Variants in COQ8A observed in about 807,000 individuals in gnomAD.
COQ8A encodes the protein coenzyme Q8A, also known as atypical kinase COQ8A, mitochondrial.
Under a neutral mutation model 65.0 loss-of-function variants are expected in COQ8A, and 51 were observed. The ratio of observed to expected loss-of-function variants is 0.78; its 90% CI spans 0.63 to 0.99. The LOEUF (loss-of-function observed/expected upper bound fraction) is 0.99, where lower values mean the gene tolerates loss of function less well. Among genes scored for constraint, COQ8A ranks in the 50% least tolerant of loss-of-function variants. The probability of loss-of-function intolerance (pLI) is 0.00; values close to 1 mark genes in which losing one functional copy is unlikely to be tolerated. For synonymous variants in COQ8A, 371 were observed against 353.2 expected (o/e 1.05, Z -0.57); for missense variants, 940 against 875.0 (o/e 1.07, Z -0.94).
chr1:226,976,623 A>C (rs1659252890), intron 4 of COQ8A, among the ~76,000 whole-genome samples: 1 of 152,190 alleles, frequency 6.6e-6, no homozygotes, highest in African/African-American at 2.4e-5. Context: ...GGAAGAGAAT[A>C]CTGGCCCTGG....
At position 226,978,791 on chromosome 1, in the gene COQ8A, T is replaced by G. The variant is rs1484585685; in HGVS notation, c.730+1268T>G. ...GCATACCTCCGTACACACCCACCTC[T>G]CACCCGCACAGCTCCTTACACACCC... On this transcript the variant is annotated intron_variant, in intron 5 of 14. Transcript: ENST00000366777. Among the ~76,000 whole-genome samples, 73 of 86,644 alleles carry G rather than the reference T, an allele frequency of 8.4e-4. 3 individuals carry two copies. The highest frequency in any genetic ancestry group is 2.6e-3 in the African/African-American group (68 of 26,036). The allele number at this position is 86,644 out of a possible 152,430, so 56.8% of individuals were successfully genotyped here. A position where few individuals can be genotyped will look rare whatever the true frequency, so the allele number is the denominator to read the frequency against.
In COQ8A at chr1:226,973,598, A is replaced by G. The variant is rs2148086732; in HGVS notation, c.656-3851A>G. Among the ~76,000 whole-genome samples, 2 of 151,504 alleles carry G rather than the reference A, an allele frequency of 1.3e-5. 1 individual carries two copies. The highest frequency in any genetic ancestry group is 4.2e-4 in the South Asian group (2 of 4,782). ...GAACCTGTGAGAGCAGCCGCTAGGA[A>G]CTCCTCTCGCCTTCCCGTGCCCCTT... is the stretch of plus-strand genomic sequence containing the variant. On this transcript the variant is annotated intron_variant, in intron 4 of 14. Coordinates refer to ENST00000366777, the MANE Select transcript of COQ8A (RefSeq NM_020247.5).
chr1:226,971,593 A>T lies in COQ8A; in HGVS notation c.655+5856A>T, dbSNP rs187510207. Among the ~76,000 whole-genome samples, 8 of 152,186 alleles carry T rather than the reference A, an allele frequency of 5.3e-5. No homozygotes were observed. In the East Asian group the frequency reaches 1.5e-3, roughly 29 times the overall value. On this transcript the variant is annotated intron_variant, in intron 4 of 14. Transcript: ENST00000366777. ...AAAAGAGAATATATCATCATACTTT[A>T]TTTTTTTAAGGTATTTTTGCTGGGT...
chr1:226,945,277 T>C (rs1401939763), intron 1 of COQ8A, among the ~76,000 whole-genome samples: 1 of 152,152 alleles, frequency 6.6e-6, no homozygotes, highest in Non-Finnish European at 1.5e-5. Flanking sequence ...CTGTTGGTCC[T>C]CCCCGTCGGC....
rs187041545 is a variant in COQ8A, at chr1:226,947,523, G to A, written c.-10+7124G>A. On this transcript the variant is annotated intron_variant, in intron 1 of 14. Transcript: ENST00000366777. ...TTTGAAAGATTAAGAATATAAAACC[G>A]AGGCCAGGCACGGTGACTCACACCT... Among the ~76,000 whole-genome samples the A allele has an allele frequency of 1.1e-4, 17 of 152,240 alleles. No individual in the cohort carries two copies. The East Asian group carries it at 2.1e-3, about 19-fold the overall frequency.
chr1:226,971,942 C>T (rs886769767), intron 4 of COQ8A, among the ~76,000 whole-genome samples: 2 of 152,208 alleles, frequency 1.3e-5, no homozygotes, highest in Non-Finnish European at 2.9e-5. Flanking sequence ...GTACTATTCT[C>T]TCCTCTCTTT....
intron 1 of COQ8A, among the ~76,000 whole-genome samples, chr1:226,944,032 C>T (rs1280008234): frequency 1.3e-5 from 2 of 151,690 alleles, no homozygotes; most frequent in African/African-American, 2.4e-5. Context: ...GCAGGGGTGT[C>T]GAGGACCAGC....
chr1:226,977,781 C>G (rs1241463240), intron 5 of COQ8A, among the ~76,000 whole-genome samples: 4 of 152,000 alleles, frequency 2.6e-5, no homozygotes, highest in Non-Finnish European at 5.9e-5. Flanking sequence ...GCTGCCTGCA[C>G]ATCCACACGC....
intron 5 of COQ8A, among the ~76,000 whole-genome samples, chr1:226,978,436 ACC>A: frequency 8.2e-6 from 1 of 121,536 alleles, no homozygotes; most frequent in Non-Finnish European, 1.7e-5. Flanking sequence ...CCCACCTCTC[ACC>A]CACACACCTC....
rs939720286 is a variant in COQ8A at position 226,949,799 on chromosome 1, C to T, written c.-10+9400C>T. Among the ~76,000 whole-genome samples, 8 of 152,320 alleles carry T rather than the reference C, an allele frequency of 5.3e-5. No homozygotes were observed. The highest frequency in any genetic ancestry group is 6.5e-5 in the Admixed American group (1 of 15,300). On this transcript the variant is annotated intron_variant, in intron 1 of 14. Coordinates refer to ENST00000366777, the MANE Select transcript of COQ8A (RefSeq NM_020247.5). This position sits in a 1 kb window ranked among gnomAD's most constrained non-coding sequence, Gnocchi z 4.0. ...TTAGCTAATGGTTTTTAAGCACCTA[C>T]TATATGTCCTGAATGCTGTTACATG...
rs569145004 is a variant in COQ8A at position 226,980,212 on chromosome 1, C to A, written c.731-1815C>A. Among the ~76,000 whole-genome samples, 5 of 152,330 alleles carry A rather than the reference C, an allele frequency of 3.3e-5. No homozygotes were observed. In the East Asian group the frequency reaches 9.7e-4, roughly 29 times the overall value. On this transcript the variant is annotated intron_variant, in intron 5 of 14. Coordinates refer to ENST00000366777, the MANE Select transcript of COQ8A (RefSeq NM_020247.5). ...AAGGACCTTTCCTGAGCTGGGGGCA[C>A]ACTGCCGTAGCCCTGGGCCCATCCC...
At chr1:226,942,582 A>C (rs928631421) in intron 1 of COQ8A, among the ~76,000 whole-genome samples, 12 of 152,264 alleles carry the variant, frequency 7.9e-5, no homozygotes, top group African/African-American at 2.6e-4. Context: ...TTCTTCAAGG[A>C]GATGCTTTAT....
At chr1:226,951,699 G>A (rs972110567) in intron 1 of COQ8A, among the ~76,000 whole-genome samples, 7 of 151,900 alleles carry the variant, frequency 4.6e-5, no homozygotes, top group South Asian at 2.1e-4. Flanking sequence ...AATATGAGTC[G>A]ACAAATAGTA....
At chr1:226,968,561 G>T (rs1490207616) in intron 4 of COQ8A, among the ~76,000 whole-genome samples, 1 of 152,070 alleles carries the variant, frequency 6.6e-6, no homozygotes, top group Non-Finnish European at 1.5e-5. Flanking sequence ...AATACCTCTA[G>T]CCTTTCTTCC....
intron 4 of COQ8A, among the ~76,000 whole-genome samples, chr1:226,974,528 G>A (rs907699243): frequency 6.6e-6 from 1 of 152,258 alleles, no homozygotes; most frequent in Admixed American, 6.5e-5. Flanking sequence ...TGCCGGCTGA[G>A]GTGCTCATCT....
chr1:226,982,593 G>A, intron 6 of COQ8A, 85 bp from the exon 7 acceptor site: 1 of 1,432,274 alleles, frequency 7.0e-7, no homozygotes, highest in Non-Finnish European at 9.8e-7. Context: ...GTGGTGGCCA[G>A]GGCATCCCAG....
rs770680681 is a variant in COQ8A, at chr1:226,982,757, G to A, written c.933G>A (p.Gln311=). 1.9e-6 allele frequency: 3 copies of A among 1,613,648 alleles called. 1 individual carries two copies. In the South Asian group the frequency reaches 3.3e-5, roughly 18 times the overall value. ...GCGCGGACTTCATGCCACTGAAGCA[G>A]ATGATGGTGAGGAGCCAGGGGCTCT... ...RQSADFMPLK[Q]MMKTLNNDLG... is the part of the protein sequence containing the mutation. The change falls in exon 7 of 15, where the codon CAG becomes CAA. Residue 311 remains glutamine (Q), a synonymous_variant. Transcript: ENST00000366777.
At position 226,978,444 on chromosome 1, in the gene COQ8A, ACCT is replaced by A. The variant is rs375272574; in HGVS notation, c.730+925_730+927del. 1.7e-3 allele frequency among the ~76,000 whole-genome samples: 215 copies of A among 123,160 alleles called. 1 individual carries two copies. The highest frequency in any genetic ancestry group is 6.4e-3 in the African/African-American group (198 of 30,942). The allele number at this position is 123,160 out of a possible 152,430, so 80.8% of individuals were successfully genotyped here. ...CCACACACCCACCTCTCACCCACAC[ACCT>A]CCTTACACACCCTCCACACCCACCA... On this transcript the variant is annotated intron_variant, in intron 5 of 14. Coordinates refer to ENST00000366777, the MANE Select transcript of COQ8A (RefSeq NM_020247.5).
intron 4 of COQ8A, 42 bp downstream of exon 4, chr1:226,965,779 C>G (rs772788042): frequency 5.7e-6 from 9 of 1,583,190 alleles, no homozygotes; most frequent in South Asian, 1.1e-5. Context: ...ACCTGCCCTG[C>G]CTGGGCACCA....
Sources: gnomAD v4.1 joint callset for allele counts (sites outside exome capture counted in the v4.1 genomes callset) on GRCh38, gnomAD v4.1.1 for gene constraint, Gnocchi (gnomAD v3.1) non-coding constraint, MANE v1.5 for transcripts, NCBI Gene and HGNC (gene_info 2026-07-23, HGNC 2026-07-21) for gene names.